Variants in QTMAN observed in about 807,000 individuals in gnomAD.
QTMAN encodes the protein tRNA-queuosine alpha-mannosyltransferase.
chr2:144,208,282 C>A, the QTMAN span, among the ~76,000 whole-genome samples: 1 of 152,158 alleles, frequency 6.6e-6, no homozygotes, highest in Non-Finnish European at 1.5e-5. Context: ...AGAGCAGATA[C>A]AATGAACCAA....
At chr2:144,226,235 T>A in the QTMAN span, among the ~76,000 whole-genome samples, 1 of 152,176 alleles carries the variant, frequency 6.6e-6, no homozygotes, top group Non-Finnish European at 1.5e-5. Context: ...ATGCAAAGCA[T>A]AAAGCTACCC....
chr2:144,032,459 G>A, the QTMAN span, among the ~76,000 whole-genome samples: 6 of 152,278 alleles, frequency 3.9e-5, no homozygotes, highest in South Asian at 1.2e-3. Context: ...TGTTCCAAAG[G>A]ATAAAAGATT....
the QTMAN span, among the ~76,000 whole-genome samples, chr2:143,947,925 GGA>G: frequency 2.4e-4 from 36 of 152,088 alleles, no homozygotes; most frequent in East Asian, 6.4e-3. Flanking sequence ...GGCAGAGGAG[GGA>G]GAGAGAGAAA....
At chr2:144,315,625 C>A in the QTMAN span, among the ~76,000 whole-genome samples, 1 of 152,176 alleles carries the variant, frequency 6.6e-6, no homozygotes, top group Non-Finnish European at 1.5e-5. Context: ...TCTCTCTTTC[C>A]AAGTCGTCTC....
chr2:144,113,849 T>G, the QTMAN span, among the ~76,000 whole-genome samples: 1 of 152,258 alleles, frequency 6.6e-6, no homozygotes, highest in Non-Finnish European at 1.5e-5. Context: ...CTGCCTCACT[T>G]TTTCTTTAAA....
chr2:144,112,271 CTCTT>C, the QTMAN span, among the ~76,000 whole-genome samples: 1 of 152,214 alleles, frequency 6.6e-6, no homozygotes, highest in Non-Finnish European at 1.5e-5. Context: ...GTACTTGTCT[CTCTT>C]TCTCCCACTA....
the QTMAN span, among the ~76,000 whole-genome samples, chr2:144,148,294 A>G: frequency 1.3e-5 from 2 of 151,838 alleles, no homozygotes; most frequent in Non-Finnish European, 2.9e-5. Context: ...AAATATTAAT[A>G]TGTATATATT....
chr2:143,967,996 G>T, the QTMAN span, among the ~76,000 whole-genome samples: 1 of 152,168 alleles, frequency 6.6e-6, no homozygotes, highest in Non-Finnish European at 1.5e-5. Flanking sequence ...AACTAGAGGG[G>T]TGACAATAAT....
At chr2:144,059,668 A>T in the QTMAN span, among the ~76,000 whole-genome samples, 1 of 152,126 alleles carries the variant, frequency 6.6e-6, no homozygotes, top group Non-Finnish European at 1.5e-5. Flanking sequence ...TTCCTATTGA[A>T]CTCAGAATGA....
the QTMAN span, among the ~76,000 whole-genome samples, chr2:144,125,529 A>G: frequency 1.3e-5 from 2 of 152,038 alleles, no homozygotes; most frequent in African/African-American, 4.8e-5. Flanking sequence ...GCTGTTAAAC[A>G]GCTGCCATGC....
the QTMAN span, among the ~76,000 whole-genome samples, chr2:144,125,707 T>C: frequency 6.6e-6 from 1 of 152,060 alleles, no homozygotes; most frequent in African/African-American, 2.4e-5. Context: ...ATAACATATT[T>C]AGAAAATACC....
the QTMAN span, among the ~76,000 whole-genome samples, chr2:144,288,235 A>T: frequency 2.0e-5 from 3 of 152,162 alleles, no homozygotes; most frequent in Non-Finnish European, 2.9e-5. Flanking sequence ...ACTTCAGATT[A>T]AAAAATGGAA....
chr2:144,093,133 T>A, the QTMAN span, among the ~76,000 whole-genome samples: 2 of 152,192 alleles, frequency 1.3e-5, no homozygotes, highest in Admixed American at 1.3e-4. Context: ...CTGGTCATAA[T>A]GGATTTACAG....
At chr2:144,276,111 G>C in the QTMAN span, among the ~76,000 whole-genome samples, 1 of 152,024 alleles carries the variant, frequency 6.6e-6, no homozygotes, top group East Asian at 1.9e-4. Context: ...TCAAGTTTGA[G>C]AGTCAATGCT....
At chr2:144,157,598 G>A in the QTMAN span, among the ~76,000 whole-genome samples, 5 of 151,924 alleles carry the variant, frequency 3.3e-5, no homozygotes, top group Non-Finnish European at 7.4e-5. Context: ...CACTTGCGAT[G>A]GCTATTAAAA....
the QTMAN span, among the ~76,000 whole-genome samples, chr2:144,063,244 C>T: frequency 1.3e-5 from 2 of 152,036 alleles, no homozygotes; most frequent in African/African-American, 4.8e-5. Context: ...CCAATGATAA[C>T]CCTAGGTAGC....
At chr2:144,182,719 G>C in the QTMAN span, among the ~76,000 whole-genome samples, 1 of 132,886 alleles carries the variant, frequency 7.5e-6, no homozygotes, top group Non-Finnish European at 1.6e-5. Flanking sequence ...TTAGTTAGTA[G>C]GCTGTAATCA....
chr2:144,087,040 T>C, the QTMAN span, among the ~76,000 whole-genome samples: 1 of 152,132 alleles, frequency 6.6e-6, no homozygotes. Context: ...CCTTATAACA[T>C]AAAAGCTGGT....
At chr2:144,225,986 A>T in the QTMAN span, among the ~76,000 whole-genome samples, 2 of 152,236 alleles carry the variant, frequency 1.3e-5, no homozygotes, top group Non-Finnish European at 2.9e-5. Flanking sequence ...TGTATTCTGA[A>T]TTCTCATCAA....
Sources: allele counts gnomAD v4.1 joint callset (sites outside exome capture counted in the v4.1 genomes callset), GRCh38; gene constraint gnomAD v4.1.1; transcripts MANE v1.5; gene names NCBI Gene and HGNC (gene_info 2026-07-23, HGNC 2026-07-21).